Variants in DGLUCY observed in about 807,000 individuals in gnomAD.
DGLUCY encodes D-glutamate cyclase, also known as D-glutamate cyclase, mitochondrial.
In DGLUCY, 58 loss-of-function variants were observed where a neutral mutation model predicts 58.5. The ratio of observed to expected loss-of-function variants is 0.99; its 90% CI spans 0.80 to 1.23. DGLUCY has a LOEUF of 1.23. Among genes scored for constraint, DGLUCY ranks in the 50% most tolerant of loss-of-function variants. The pLI is 0.00. For missense variants in DGLUCY, 779 were observed against 784.7 expected (o/e 0.99, Z 0.09); for synonymous variants, 325 against 314.1 (o/e 1.03, Z -0.37).
chr14:91,208,936 T>A (rs1885215249), intron 12 of DGLUCY, among the ~76,000 whole-genome samples: 1 of 152,126 alleles, frequency 6.6e-6, no homozygotes, highest in African/African-American at 2.4e-5. Context: ...ATTTTAAAAG[T>A]AGAATTTACA....
intron 1 of DGLUCY, among the ~76,000 whole-genome samples, chr14:91,075,320 T>G (rs954682851): frequency 1.3e-5 from 2 of 152,110 alleles, no homozygotes; most frequent in African/African-American, 2.4e-5. Flanking sequence ...CTTTTGTATT[T>G]AGGGTAGAGA....
At chr14:91,221,182 G>A (rs1887436926) in intron 13 of DGLUCY, among the ~76,000 whole-genome samples, 1 of 152,374 alleles carries the variant, frequency 6.6e-6, no homozygotes, top group African/African-American at 2.4e-5. Flanking sequence ...CATCAGCCCA[G>A]GGCATAGCAG....
At chr14:91,198,319 C>T (rs2050340913) in intron 10 of DGLUCY, among the ~76,000 whole-genome samples, 2 of 151,210 alleles carry the variant, frequency 1.3e-5, no homozygotes, top group Non-Finnish European at 2.9e-5. Context: ...GCTGAGATTG[C>T]AGACATGAGC....
intron 13 of DGLUCY, chr14:91,220,804 G>A (rs1224090649): frequency 2.5e-6 from 1 of 407,442 alleles, no homozygotes; most frequent in Non-Finnish European, 5.0e-6. Flanking sequence ...AGGGCCAAGG[G>A]AGTGCCTTGT....
intron 1 of DGLUCY, among the ~76,000 whole-genome samples, chr14:91,071,596 G>A (rs1049852475): frequency 1.3e-5 from 2 of 152,246 alleles, no homozygotes; most frequent in East Asian, 1.9e-4. Flanking sequence ...TAGGCTAGGC[G>A]TGGTGGCTCA....
At chr14:91,062,576 T>A (rs1324779572) in intron 1 of DGLUCY, among the ~76,000 whole-genome samples, 9 of 10,720 alleles carry the variant, frequency 8.4e-4, no homozygotes, top group African/African-American at 2.4e-3. Flanking sequence ...TATATATATA[T>A]ATATATATAT....
At chr14:91,075,786 C>T (rs943788681) in intron 1 of DGLUCY, among the ~76,000 whole-genome samples, 3 of 152,120 alleles carry the variant, frequency 2.0e-5, no homozygotes, top group East Asian at 3.9e-4. Context: ...TTTACTGGAC[C>T]CTTTCTGTGT....
At chr14:91,164,677 C>G (rs75613629) in intron 3 of DGLUCY, among the ~76,000 whole-genome samples, 3,665 of 152,246 alleles carry the variant, frequency 0.024, 140 homozygotes, top group African/African-American at 0.084. Context: ...CTTACTTTCT[C>G]CCAAAGAGTC....
At chr14:91,202,885 C>T (rs1297187354) in intron 11 of DGLUCY, among the ~76,000 whole-genome samples, 1 of 152,208 alleles carries the variant, frequency 6.6e-6, no homozygotes, top group Non-Finnish European at 1.5e-5. Context: ...CCTGTGGCCC[C>T]CGCCGCCCCA....
At chr14:91,074,235 G>A (rs1052265170) in intron 1 of DGLUCY, among the ~76,000 whole-genome samples, 8 of 145,610 alleles carry the variant, frequency 5.5e-5, no homozygotes, top group African/African-American at 1.8e-4. Context: ...GGCCAAGTCT[G>A]CAGTGAGCTG....
At chr14:91,150,218 CAAAAAAA>C (rs71120121) in intron 1 of DGLUCY, among the ~76,000 whole-genome samples, 18 of 64,732 alleles carry the variant, frequency 2.8e-4, no homozygotes, top group African/African-American at 8.2e-4. Context: ...GACTCCATCT[CAAAAAAA>C]AAAAAAAAAA....
chr14:91,190,879 G>A (rs556251623), intron 9 of DGLUCY, among the ~76,000 whole-genome samples: 4 of 152,302 alleles, frequency 2.6e-5, no homozygotes, highest in African/African-American at 7.2e-5. Flanking sequence ...AATCACTGGG[G>A]TGCAGAGACA....
At chr14:91,159,399 A>G (rs1328743285) in intron 2 of DGLUCY, among the ~76,000 whole-genome samples, 1 of 152,176 alleles carries the variant, frequency 6.6e-6, no homozygotes, top group African/African-American at 2.4e-5. Flanking sequence ...CTGAGCTGAG[A>G]TTGCGCCACT....
At chr14:91,206,674 C>T (rs913435495) in intron 12 of DGLUCY, among the ~76,000 whole-genome samples, 7 of 152,090 alleles carry the variant, frequency 4.6e-5, no homozygotes, top group African/African-American at 1.7e-4. Flanking sequence ...TGAGCCACTG[C>T]GCCTGGCCCA....
intron 3 of DGLUCY, among the ~76,000 whole-genome samples, chr14:91,164,798 C>A (rs1306034864): frequency 6.6e-6 from 1 of 152,230 alleles, no homozygotes; most frequent in African/African-American, 2.4e-5. Flanking sequence ...CTGAAGCCAG[C>A]ACAGCACTGG....
upstream of DGLUCY, among the ~76,000 whole-genome samples, chr14:91,111,246 G>GTATATA (rs1302784106): frequency 4.1e-4 from 37 of 89,790 alleles, no homozygotes; most frequent in African/African-American, 1.4e-3. Context: ...GTGTGTGTGT[G>GTATATA]TGTATATATC....
chr14:91,184,203 G>A (rs1044120255), intron 8 of DGLUCY, among the ~76,000 whole-genome samples: 2 of 152,006 alleles, frequency 1.3e-5, no homozygotes, highest in African/African-American at 4.8e-5. Context: ...TACAGCAGCT[G>A]GGTAGAACCC....
At chr14:91,086,134 A>G (rs1261877852) in intron 1 of DGLUCY, among the ~76,000 whole-genome samples, 1 of 152,176 alleles carries the variant, frequency 6.6e-6, no homozygotes, top group African/African-American at 2.4e-5. Context: ...CTAATGCCTG[A>G]TGATCTGTCA....
At chr14:91,165,432 T>C (rs2048223663) in intron 3 of DGLUCY, 1 of 364,232 alleles carries the variant, frequency 2.7e-6, no homozygotes, top group African/African-American at 2.1e-5. Context: ...AGAGACAGGA[T>C]CAGGATTCAA....
Sources: allele counts gnomAD v4.1 joint callset (sites outside exome capture counted in the v4.1 genomes callset), GRCh38; gene constraint gnomAD v4.1.1; transcripts MANE v1.5; gene names NCBI Gene and HGNC (gene_info 2026-07-23, HGNC 2026-07-21).